Variants in THAP9 observed in about 807,000 individuals in gnomAD.
THAP9 encodes the protein THAP domain containing 9, also known as DNA transposase THAP9.
THAP9 carries 20 observed loss-of-function variants against 35.7 expected under a neutral mutation model. The observed-to-expected ratio is 0.56, with a 90% CI of 0.39 to 0.81. The LOEUF (loss-of-function observed/expected upper bound fraction) is 0.81. Ranked by LOEUF, THAP9 falls within the 40% of genes least tolerant of loss-of-function variation. The probability of loss-of-function intolerance (pLI) is 0.00; values close to 1 mark genes in which losing one functional copy is unlikely to be tolerated. For synonymous variants in THAP9, 335 were observed against 373.7 expected, an observed-to-expected ratio of 0.90 and a Z score of 1.19; for missense variants, 870 against 1,047.4, an observed-to-expected ratio of 0.83 and a Z score of 2.34.
chr4:82,906,972 T>C (rs1232357219), intron 3 of THAP9, among the ~76,000 whole-genome samples: 1 of 152,174 alleles, frequency 6.6e-6, no homozygotes, highest in African/African-American at 2.4e-5. Context: ...TGCAAATTCA[T>C]TATAAACAGT....
At position 82,905,086 on chromosome 4, in the gene THAP9, T is replaced by G. The variant is rs538372790; in HGVS notation, c.276+155T>G. 9.7e-5 allele frequency: 57 copies of G among 588,776 alleles called. No individual in the cohort carries two copies. In the Middle Eastern group the frequency reaches 1.4e-3, roughly 14 times the overall value. The allele number at this position is 588,776 out of a possible 1,614,324, so 36.5% of individuals were successfully genotyped here. A position where few individuals can be genotyped will look rare whatever the true frequency, so the allele number is the denominator to read the frequency against. ...ATGCTTTGAAAATTTAAAAAAAAAATTATATATATTAGCATTTGTTCTGGA... is the reference window on the plus strand; with the variant it reads ...ATGCTTTGAAAATTTAAAAAAAAAAGTATATATATTAGCATTTGTTCTGGA... On this transcript the variant is annotated intron_variant, in intron 2 of 4. Transcript: ENST00000302236.
rs370321130 is a variant in THAP9 at position 82,912,009 on chromosome 4, A to G, written c.731+4074A>G. Among the ~76,000 whole-genome samples, 15 of 152,210 alleles carry G rather than the reference A, an allele frequency of 9.9e-5. 1 individual carries two copies. Among genetic ancestry groups the G allele is most frequent in the African/African-American group, 3.4e-4 (14 of 41,534 alleles). On this transcript the variant is annotated intron_variant, in intron 4 of 4. Transcript: ENST00000302236. Reference sequence around the variant, plus strand: ...AGATAGGGTGCCTCATGAATTTCTAATTGTCTATATCTTTCTCTAGTCTTA... The same window carrying G: ...AGATAGGGTGCCTCATGAATTTCTAGTTGTCTATATCTTTCTCTAGTCTTA...
chr4:82,905,069 A>G, intron 2 of THAP9, 138 bp downstream of exon 2: 1 of 651,378 alleles, frequency 1.5e-6, no homozygotes. Flanking sequence ...AAATGCTTTG[A>G]AAATTTAAAA....
chr4:82,908,989 C>G (rs571092281), intron 4 of THAP9, among the ~76,000 whole-genome samples: 1 of 151,980 alleles, frequency 6.6e-6, no homozygotes, highest in South Asian at 2.1e-4. Flanking sequence ...TCACTGCAAC[C>G]TCCGCCTCCC....
chr4:82,917,609 C>G lies in THAP9; in HGVS notation c.1397C>G (p.Ala466Gly). The G allele has an allele frequency of 6.2e-7, 1 of 1,613,984 alleles. No homozygotes were observed. The highest frequency in any genetic ancestry group is 8.5e-7 in the Non-Finnish European group (1 of 1,179,938). The change falls in exon 5 of 5, where the codon GCA becomes GGA. Residue 466 changes from alanine to glycine, a missense_variant. By Grantham distance (60) the Ala-to-Gly change is moderately conservative. Coordinates refer to ENST00000302236, the MANE Select transcript of THAP9 (RefSeq NM_024672.6). ...SNMERIPSTL[A>G]NLKNHVLKVN... ...ATGGAAAGAATACCAAGTACACTTGCAAATTTGAAAAATCATGTACTGAAA... is the reference window on the plus strand; with the variant it reads ...ATGGAAAGAATACCAAGTACACTTGGAAATTTGAAAAATCATGTACTGAAA...
intron 1 of THAP9, 42 bp downstream of exon 1, chr4:82,900,924 G>T: frequency 6.2e-7 from 1 of 1,607,384 alleles, no homozygotes; most frequent in Non-Finnish European, 8.5e-7. Flanking sequence ...ACTCCCTGCG[G>T]GGCCCGGCGG....
chr4:82,904,404 T>C (rs916197721), intron 1 of THAP9, among the ~76,000 whole-genome samples: 2 of 152,158 alleles, frequency 1.3e-5, no homozygotes, highest in Non-Finnish European at 2.9e-5. Flanking sequence ...TAGTTTAAAA[T>C]CACTACAGGA....
rs2126018310 is a variant in THAP9 at position 82,919,121 on chromosome 4, C to T, written c.*197C>T. 2.1e-6 allele frequency: 1 copy of T among 471,562 alleles called. No individual in the cohort carries two copies. Among genetic ancestry groups the T allele is most frequent in the East Asian group, 3.5e-5 (1 of 28,262 alleles). 29.2% of individuals were successfully genotyped at this position (471,562 alleles called of 1,614,324 possible). ...TGGCTTGCAGCATTTATGAGTTTTC[C>T]AAAATATAGAAAGCAGTAGGTCAGT... is the stretch of plus-strand genomic sequence containing the variant. On this transcript the variant is annotated 3_prime_UTR_variant, in exon 5 of 5. Transcript: ENST00000302236.
intron 1 of THAP9, chr4:82,903,677 C>T (rs1720520751): frequency 6.6e-6 from 1 of 152,560 alleles, no homozygotes; most frequent in Admixed American, 6.5e-5. Context: ...TAACAAGTTA[C>T]CTCAAAATTC....
chr4:82,918,904 G>A lies in THAP9; in HGVS notation c.2692G>A (p.Asp898Asn), dbSNP rs755384363. The change falls in exon 5 of 5, where the codon GAT becomes AAT. Residue 898 changes from aspartate to asparagine, a missense_variant. Physicochemically the swap from Asp to Asn is conservative, Grantham distance 23. This residue lies in a region of THAP9 where 414 missense variants were observed against 500.8 expected (regional missense o/e 0.83). Transcript: ENST00000302236. Reference protein sequence around the residue: ...SSKFRHLLSNDGYPFK With the variant: ...SSKFRHLLSNNGYPFK ...TAAATTCAGGCATTTGCTAAGTAAC[G>A]ATGGATATCCATTCAAATGAGAGAC... The A allele has an allele frequency of 7.5e-6, 12 of 1,596,058 alleles. No individual in the cohort carries two copies. The highest frequency in any genetic ancestry group is 2.2e-5 in the East Asian group (1 of 44,608).
chr4:82,918,954 A>G lies in THAP9; in HGVS notation c.*30A>G. 6.8e-7 allele frequency: 1 copy of G among 1,466,900 alleles called. No individual in the cohort carries two copies. Among genetic ancestry groups the G allele is most frequent in the Non-Finnish European group, 9.2e-7 (1 of 1,089,162 alleles). 90.9% of individuals were successfully genotyped at this position (1,466,900 alleles called of 1,614,324 possible). On this transcript the variant is annotated 3_prime_UTR_variant, in exon 5 of 5. Transcript: ENST00000302236. ...CCTAAAATATATTAACATTTTAATT[A>G]AGAATACTTGATCAACATTTTTTGA...
chr4:82,914,616 T>C (rs1373863780), intron 4 of THAP9, among the ~76,000 whole-genome samples: 2 of 152,228 alleles, frequency 1.3e-5, no homozygotes, highest in Non-Finnish European at 2.9e-5. Flanking sequence ...TGGTGGCATG[T>C]ATGTCTTTTG....
At chr4:82,905,836 C>T (rs1467277069) in intron 2 of THAP9, 1 of 455,390 alleles carries the variant, frequency 2.2e-6, no homozygotes, top group South Asian at 1.6e-5. Context: ...CAAAAGAATC[C>T]TGTATTATTA....
Position 82,918,431 on chromosome 4 carries a change from A to G in THAP9, c.2219A>G (p.Tyr740Cys), listed in dbSNP as rs202000094. The G allele has an allele frequency of 1.2e-6, 2 of 1,614,204 alleles. No individual in the cohort carries two copies. The highest frequency in any genetic ancestry group is 1.7e-6 in the Non-Finnish European group (2 of 1,180,008). The change falls in exon 5 of 5, where the codon TAT (tyrosine) becomes TGT (cysteine). Residue 740 changes from tyrosine to cysteine, a missense_variant. Coordinates refer to ENST00000302236, the MANE Select transcript of THAP9 (RefSeq NM_024672.6). ...LTCEDCITAL[Y>C]ASDLKASKIG... ...TGTGAGGACTGCATCACTGCACTGT[A>G]TGCATCGGATCTCAAAGCCTCTAAA...
rs182902613 is a variant in THAP9 at position 82,915,353 on chromosome 4, T to C, written c.732-1591T>C. The stretch of plus-strand genomic sequence containing the variant: ...CTCACTGCAACCTCTGCCTCCCACG[T>C]TCAAGCACTTCTCCTGCCTCAGCCT... On this transcript the variant is annotated intron_variant, in intron 4 of 4. Transcript: ENST00000302236. Among the ~76,000 whole-genome samples the C allele has an allele frequency of 9.5e-4, 144 of 152,212 alleles. 3 individuals carry two copies. The East Asian group carries it at 0.017, about 18-fold the overall frequency.
At chr4:82,904,989 A>G in intron 2 of THAP9, 58 bp downstream of exon 2, 1 of 1,526,616 alleles carries the variant, frequency 6.6e-7, no homozygotes, top group Non-Finnish European at 8.9e-7. Context: ...TTTAAAAATC[A>G]AGATAGCCCC....
Position 82,906,619 on chromosome 4 carries a change from A to G in THAP9, c.572A>G (p.Gln191Arg). 1.3e-6 allele frequency: 2 copies of G among 1,589,230 alleles called. No individual in the cohort carries two copies. The highest frequency in any genetic ancestry group is 1.7e-6 in the Non-Finnish European group (2 of 1,167,994). Residue 191 changes from glutamine (Q) to arginine (R), a missense_variant, in exon 3 of 5, where the codon CAA becomes CGA. Coordinates refer to ENST00000302236, the MANE Select transcript of THAP9 (RefSeq NM_024672.6). ...GAAACAGAGTGTCTGCTACGAGCTC[A>G]ATTTTCAGGTACTTCCCCCTAGTAA... Reference protein sequence around the residue: ...SEETECLLRAQFSDFKWELYN... With the variant: ...SEETECLLRARFSDFKWELYN...
intron 4 of THAP9, among the ~76,000 whole-genome samples, chr4:82,909,811 TCTC>T (rs1386746326): frequency 2.6e-5 from 4 of 152,180 alleles, no homozygotes; most frequent in Non-Finnish European, 5.9e-5. Context: ...GTTGATAATT[TCTC>T]CTCCTATACC....
rs141787794 is a variant in THAP9 at position 82,914,843 on chromosome 4, C to T, written c.732-2101C>T. On this transcript the variant is annotated intron_variant, in intron 4 of 4. Transcript: ENST00000302236. ...AGATCCCACCTGTCAATTTTTGCTT[C>T]TGTTATGATTGCTTTGGTGTCTTTG... Among the ~76,000 whole-genome samples the T allele has an allele frequency of 6.2e-3, 947 of 152,274 alleles. 11 individuals are homozygous for T. The highest frequency in any genetic ancestry group is 0.014 in the Admixed American group (213 of 15,286).
Sources: allele counts gnomAD v4.1 joint callset (sites outside exome capture counted in the v4.1 genomes callset), GRCh38; gene constraint gnomAD v4.1.1; regional missense constraint gnomAD v4.1.1; transcripts MANE v1.5; gene names NCBI Gene and HGNC (gene_info 2026-07-23, HGNC 2026-07-21).